SGCD: variants seen among roughly 807,000 people sequenced by gnomAD.
SGCD encodes the protein sarcoglycan delta, also known as delta-sarcoglycan.
In SGCD, 18 loss-of-function variants were observed where a neutral mutation model predicts 36.6. The observed-to-expected ratio is 0.49, with a 90% CI of 0.34 to 0.73. The LOEUF (loss-of-function observed/expected upper bound fraction) is 0.73, where lower values mean the gene tolerates loss of function less well. SGCD is among the 30% of genes least tolerant of loss of function. The pLI, the probability that SGCD is intolerant of heterozygous loss-of-function variation, is 0.01. For missense variants in SGCD, 387 were observed against 346.7 expected, an observed-to-expected ratio of 1.12 and a Z score of -0.92; for synonymous variants, 133 against 130.6, an observed-to-expected ratio of 1.02 and a Z score of -0.12.
chr5:156,138,114 C>T (rs1280214866), intron 3 of SGCD, among the ~76,000 whole-genome samples: 2 of 152,094 alleles, frequency 1.3e-5, no homozygotes, highest in African/African-American at 4.8e-5. Context: ...ACTTCACATA[C>T]ACGGAGCCAG....
At chr5:156,702,202 TTAAC>T (rs1440965664) in intron 7 of SGCD, among the ~76,000 whole-genome samples, 2 of 152,144 alleles carry the variant, frequency 1.3e-5, no homozygotes, top group Non-Finnish European at 2.9e-5. Context: ...ACTTAGTACT[TTAAC>T]TATTGTTTAC....
intron 3 of SGCD, among the ~76,000 whole-genome samples, chr5:156,176,302 C>A (rs1458443612): frequency 5.9e-5 from 9 of 152,022 alleles, no homozygotes. Context: ...ATTCTAAGGG[C>A]AAGGTGCCTC....
chr5:156,013,189 TA>T (rs1184238804), intron 1 of SGCD, among the ~76,000 whole-genome samples: 1 of 151,874 alleles, frequency 6.6e-6, no homozygotes, highest in Non-Finnish European at 1.5e-5. Context: ...CACACCCGGC[TA>T]ATTTTTGTAT....
chr5:156,331,308 A>G (rs1236394253), intron 2 of SGCD, among the ~76,000 whole-genome samples: 2 of 152,178 alleles, frequency 1.3e-5, no homozygotes, highest in Non-Finnish European at 2.9e-5. Context: ...AAAGGAAACC[A>G]TGTAAGCTGT....
chr5:155,943,461 C>T (rs1283753475), intron 1 of SGCD, among the ~76,000 whole-genome samples: 1 of 152,082 alleles, frequency 6.6e-6, no homozygotes, highest in Admixed American at 6.6e-5. Flanking sequence ...CTACTTCGTA[C>T]AAGAAACTGT....
chr5:155,840,791 C>T, the SGCD span, among the ~76,000 whole-genome samples: 1 of 151,506 alleles, frequency 6.6e-6, no homozygotes, highest in Non-Finnish European at 1.5e-5. Flanking sequence ...GCAGGCAGAT[C>T]ACCTGAGGTC....
rs1049830310 is a variant in SGCD at position 156,602,742 on chromosome 5, C to T, written c.502+7691C>T. On this transcript the variant is annotated intron_variant, in intron 6 of 8. Transcript: ENST00000337851. ...CTTTCCATTAACGTAGTATATCACA[C>T]TTATGGATTTGCTGATGGTAAACCA... Among the ~76,000 whole-genome samples, 16 of 152,252 alleles carry T rather than the reference C, an allele frequency of 1.1e-4. No homozygotes were observed. The East Asian group carries it at 2.9e-3, about 28-fold the overall frequency.
chr5:156,507,619 A>G (rs1756756441), intron 3 of SGCD, among the ~76,000 whole-genome samples: 2 of 152,344 alleles, frequency 1.3e-5, no homozygotes, highest in South Asian at 4.1e-4. Flanking sequence ...GTAACTACCA[A>G]TTTACAGGAA....
At chr5:155,874,875 T>C (rs892065994) in intron 1 of SGCD, among the ~76,000 whole-genome samples, 1 of 151,648 alleles carries the variant, frequency 6.6e-6, no homozygotes, top group African/African-American at 2.4e-5. Flanking sequence ...GAAGTTAAAC[T>C]TAAAATCACT....
At chr5:156,518,699 C>T (rs1757284496) in intron 4 of SGCD, among the ~76,000 whole-genome samples, 1 of 152,248 alleles carries the variant, frequency 6.6e-6, no homozygotes, top group Non-Finnish European at 1.5e-5. Context: ...GATTAGGAAA[C>T]TCACTTAAAA....
the SGCD span, among the ~76,000 whole-genome samples, chr5:155,736,338 A>C: frequency 1.3e-5 from 2 of 152,218 alleles, no homozygotes; most frequent in African/African-American, 4.8e-5. Flanking sequence ...ATTCAAGGAA[A>C]GAAGGCCCAG....
At chr5:156,401,954 A>C (rs1772175607) in intron 3 of SGCD, among the ~76,000 whole-genome samples, 1 of 152,160 alleles carries the variant, frequency 6.6e-6, no homozygotes, top group South Asian at 2.1e-4. Flanking sequence ...GGCAACCAGC[A>C]ATCTGCTTTC....
At chr5:155,745,213 AAAT>A in the SGCD span, among the ~76,000 whole-genome samples, 1 of 148,808 alleles carries the variant, frequency 6.7e-6, no homozygotes, top group African/African-American at 2.6e-5. Flanking sequence ...TTACAAAAGA[AAAT>A]AATCCCAGAA....
In SGCD at chr5:156,402,856, G is replaced by A. The variant is rs118182737; in HGVS notation, c.192+58179G>A. ...TGTTGATGCGGTCACCATGGTTACC[G>A]CGTTCCCCAAAGACATGGTTACTTC... is the stretch of plus-strand genomic sequence containing the variant. On this transcript the variant is annotated intron_variant, in intron 3 of 8. Coordinates refer to ENST00000337851, the MANE Select transcript of SGCD (RefSeq NM_000337.6). 6.1e-3 allele frequency among the ~76,000 whole-genome samples: 921 copies of A among 152,214 alleles called. 10 individuals are homozygous for A. The highest frequency in any genetic ancestry group is 0.051 in the East Asian group (264 of 5,176).
intron 1 of SGCD, among the ~76,000 whole-genome samples, chr5:156,003,006 C>T (rs893914361): frequency 1.3e-5 from 2 of 152,160 alleles, no homozygotes; most frequent in African/African-American, 4.8e-5. Flanking sequence ...ACAGTTTTTG[C>T]CATGGTCAAG....
intron 7 of SGCD, among the ~76,000 whole-genome samples, chr5:156,687,284 G>C (rs927013964): frequency 1.3e-5 from 2 of 152,290 alleles, no homozygotes; most frequent in South Asian, 2.1e-4. Flanking sequence ...GCACAAATGT[G>C]GGGGGCTCAG....
rs1046857132 is a variant in SGCD, at chr5:155,920,246, C to A, written c.-282+49822C>A. Among the ~76,000 whole-genome samples the A allele has an allele frequency of 7.2e-5, 11 of 152,242 alleles. No homozygotes were observed. In the South Asian group the frequency reaches 8.3e-4, roughly 11 times the overall value. On this transcript the variant is annotated intron_variant, in intron 1 of 9. Coordinates refer to the SGCD transcript ENST00000517913. ...TAATAAGAACAAAGAAAAGATTAAT[C>A]TGTAAGCTATTTAGGAAGTAGAATT...
chr5:156,106,109 CAAAAAAAAAAAAAAAA>C (rs1159337817), intron 1 of SGCD, among the ~76,000 whole-genome samples: 24 of 34,916 alleles, frequency 6.9e-4, no homozygotes, highest in African/African-American at 2.4e-3. Flanking sequence ...GACTCTGCCT[CAAAAAAAAAAAAAAAA>C]AAAAAAAAAA....
At chr5:155,791,212 G>A in the SGCD span, among the ~76,000 whole-genome samples, 1 of 152,068 alleles carries the variant, frequency 6.6e-6, no homozygotes, top group Non-Finnish European at 1.5e-5. Flanking sequence ...TGGGCAGAGG[G>A]CTACAGTTAT....
Sources: gnomAD v4.1 joint callset for allele counts (sites outside exome capture counted in the v4.1 genomes callset) on GRCh38, gnomAD v4.1.1 for gene constraint, MANE v1.5 for transcripts, NCBI Gene and HGNC (gene_info 2026-07-23, HGNC 2026-07-21) for gene names.